Variants in GPALPP1 observed in about 807,000 individuals in gnomAD.
GPALPP1 encodes GPALPP motifs-containing protein 1.
A neutral mutation model predicts 38.9 loss-of-function variants in GPALPP1; 30 were observed. That is an observed-to-expected ratio of 0.77 (90% CI 0.58 to 1.05). The LOEUF (loss-of-function observed/expected upper bound fraction) is 1.05, where lower values mean the gene tolerates loss of function less well. Among genes scored for constraint, GPALPP1 ranks in the 50% least tolerant of loss-of-function variants. The pLI is 0.00. For missense variants in GPALPP1, 384 were observed against 408.8 expected (o/e 0.94, Z 0.52); for synonymous variants, 120 against 139.2 (o/e 0.86, Z 0.97).
At chr13:45,035,724 A>G (rs1231688181) in exon 8 of GPALPP1, 1 of 152,204 alleles carries the variant, frequency 6.6e-6, no homozygotes, top group Non-Finnish European at 1.5e-5. Flanking sequence ...TCCTTAAACT[A>G]TTTCTATCAG....
In GPALPP1 at chr13:45,015,076, G is replaced by A. The variant is rs752693280; in HGVS notation, c.533G>A (p.Gly178Glu). Residue 178 changes from glycine to glutamate, a missense_variant, in exon 5 of 8, where the codon GGA becomes GAA. Gly to Glu is a moderately conservative substitution (Grantham distance 98, BLOSUM62 -2). Coordinates refer to ENST00000379151, the MANE Select transcript of GPALPP1 (RefSeq NM_018559.5). ...AQRMKEKLTK[G>E]DDDSSKPIVR... ...AGAATGAAAGAAAAACTGACCAAAG[G>A]AGATGATGTAAGTTTTAAAAACACT... 19 of 1,594,884 alleles carry A rather than the reference G, an allele frequency of 1.2e-5. No individual in the cohort carries two copies. In the Middle Eastern group the frequency reaches 8.3e-4, roughly 70 times the overall value.
chr13:45,010,969 C>T lies in GPALPP1; in HGVS notation c.408+2090C>T, dbSNP rs577581902. 5.9e-5 allele frequency among the ~76,000 whole-genome samples: 9 copies of T among 151,672 alleles called. No individual in the cohort carries two copies. The East Asian group carries it at 7.7e-4, about 13-fold the overall frequency. Reference sequence around the variant, plus strand: ...CTGCACTCCAGCCTGGGTGACAGAGCGAGACCCTGTCTCAAAAAGAAAAAA... The same window carrying T: ...CTGCACTCCAGCCTGGGTGACAGAGTGAGACCCTGTCTCAAAAAGAAAAAA... On this transcript the variant is annotated intron_variant, in intron 4 of 7. Coordinates refer to ENST00000379151, the MANE Select transcript of GPALPP1 (RefSeq NM_018559.5).
intron 7 of GPALPP1, among the ~76,000 whole-genome samples, chr13:45,025,580 C>T (rs1056369226): frequency 2.6e-5 from 4 of 151,328 alleles, no homozygotes; most frequent in African/African-American, 7.3e-5. Context: ...GATCATTTAA[C>T]TCCTCCCTCC....
At chr13:44,999,727 G>A (rs112393117) in intron 1 of GPALPP1, among the ~76,000 whole-genome samples, 46 of 152,198 alleles carry the variant, frequency 3.0e-4, no homozygotes, top group African/African-American at 1.1e-3. Flanking sequence ...CTACAAGCAT[G>A]TGCCACCACG....
At position 45,029,079 on chromosome 13, in the gene GPALPP1, G is replaced by A. The variant is rs1876050319; in HGVS notation, c.*1076G>A. ...CTGTCTCAAAAAAGAAAGAAAAAGA[G>A]AAGAAAAGAAATTACATAAAAGCTG... On this transcript the variant is annotated 3_prime_UTR_variant, in exon 8 of 8. Transcript: ENST00000379151. 3 of 152,074 alleles carry A rather than the reference G, an allele frequency of 2.0e-5. No homozygotes were observed. In the South Asian group the frequency reaches 6.2e-4, roughly 32 times the overall value. The allele number at this position is 152,074 out of a possible 1,614,324, so 9.4% of individuals were successfully genotyped here. A position where few individuals can be genotyped will look rare whatever the true frequency, so the allele number is the denominator to read the frequency against.
At chr13:45,025,766 A>T (rs1875785932) in intron 7 of GPALPP1, among the ~76,000 whole-genome samples, 1 of 150,716 alleles carries the variant, frequency 6.6e-6, no homozygotes, top group Non-Finnish European at 1.5e-5. Context: ...CCGTGTATTG[A>T]TTATCTATTT....
intron 7 of GPALPP1, among the ~76,000 whole-genome samples, chr13:45,020,725 T>A (rs1875366961): frequency 6.6e-6 from 1 of 152,160 alleles, no homozygotes; most frequent in Non-Finnish European, 1.5e-5. Context: ...TTTTTCTCTT[T>A]TACTTATTTC....
rs1354294166 is a variant in GPALPP1 at position 44,996,537 on chromosome 13, G to T, written c.88+6795G>T. On this transcript the variant is annotated intron_variant, in intron 1 of 7. Coordinates refer to ENST00000379151, the MANE Select transcript of GPALPP1 (RefSeq NM_018559.5). ...ATCTCACTGTCATCCTGGCTGGAGT[G>T]CAGTGGCATGATCTCAGCTTACTGC... 4.6e-5 allele frequency among the ~76,000 whole-genome samples: 7 copies of T among 151,428 alleles called. No homozygotes were observed. The East Asian group carries it at 1.4e-3, about 30-fold the overall frequency.
chr13:45,020,494 G>A, intron 7 of GPALPP1, 66 bp downstream of exon 7: 1 of 732,282 alleles, frequency 1.4e-6, no homozygotes, highest in Non-Finnish European at 2.5e-6. Flanking sequence ...CCAGCTACTT[G>A]GGAGGCTGAG....
intron 7 of GPALPP1, among the ~76,000 whole-genome samples, chr13:45,026,177 T>C (rs1875821568): frequency 6.6e-6 from 1 of 152,244 alleles, no homozygotes; most frequent in African/African-American, 2.4e-5. Flanking sequence ...ATCAGTTTGT[T>C]TCTAAAGACT....
At chr13:45,005,022 C>T (rs1201193361) in intron 2 of GPALPP1, 1 of 149,576 alleles carries the variant, frequency 6.7e-6, no homozygotes, top group Admixed American at 6.7e-5. Context: ...CTACATAAAC[C>T]ATAGAATTTC....
intron 1 of GPALPP1, among the ~76,000 whole-genome samples, chr13:45,001,135 C>T (rs982170887): frequency 6.6e-6 from 1 of 152,088 alleles, no homozygotes; most frequent in Non-Finnish European, 1.5e-5. Flanking sequence ...GGTGGTTACC[C>T]TCATGCTGTT....
intron 6 of GPALPP1, among the ~76,000 whole-genome samples, chr13:45,017,904 A>G (rs1874986304): frequency 6.6e-6 from 1 of 152,212 alleles, no homozygotes; most frequent in East Asian, 1.9e-4. Flanking sequence ...GTCACAAACT[A>G]TATAGTATCA....
intron 1 of GPALPP1, among the ~76,000 whole-genome samples, chr13:44,991,074 C>T (rs912415171): frequency 5.4e-5 from 8 of 147,864 alleles, no homozygotes; most frequent in Non-Finnish European, 1.0e-4. Context: ...GGCGACGGAA[C>T]GAGAGTTTGT....
rs1386280956 is a variant in GPALPP1, at chr13:44,989,687, G to A, written c.33G>A (p.Pro11=). The change falls in exon 1 of 8, where the codon CCG becomes CCA. Residue 11 remains proline, a synonymous_variant. Transcript: ENST00000379151. ...GAGACCTGATCGGACCGGCCCTGCC[G>A]CCCGGCTTCAAGGCCCGCGGAACAG... MARDLIGPAL[P]PGFKARGTAE... The A allele has an allele frequency of 1.9e-6, 3 of 1,612,274 alleles. No individual in the cohort carries two copies. The Admixed American group carries it at 5.0e-5, about 27-fold the overall frequency.
chr13:45,032,962 A>G (rs182623893), downstream of GPALPP1, among the ~76,000 whole-genome samples: 629 of 151,298 alleles, frequency 4.2e-3, 6 homozygotes, highest in African/African-American at 0.015. Context: ...GCTTGAACCC[A>G]GGAGGCGGAG....
At chr13:45,017,153 TTTGGTTTCAGG>T (rs1874935723) in intron 6 of GPALPP1, among the ~76,000 whole-genome samples, 1 of 152,216 alleles carries the variant, frequency 6.6e-6, no homozygotes. Context: ...AGGAATTGTA[TTTGGTTTCAGG>T]TGATAGAAAG....
In GPALPP1 at chr13:44,991,691, T is replaced by C. The variant is rs117160704; in HGVS notation, c.88+1949T>C. Among the ~76,000 whole-genome samples the C allele has an allele frequency of 6.3e-3, 962 of 152,334 alleles. 5 individuals are homozygous for C. Among genetic ancestry groups the C allele is most frequent in the Non-Finnish European group, 0.01 (689 of 68,024 alleles). On this transcript the variant is annotated intron_variant, in intron 1 of 7. Coordinates refer to ENST00000379151, the MANE Select transcript of GPALPP1 (RefSeq NM_018559.5). ...CAGTACCAATGGCCTTCACATCCAC[T>C]ATATCACACCATAGAAGCTGCACTT...
chr13:45,002,556 T>A (rs1384081155), intron 1 of GPALPP1: 1 of 152,220 alleles, frequency 6.6e-6, no homozygotes, highest in African/African-American at 2.4e-5. Context: ...CTTTGTTAGG[T>A]GTTTTGCATA....
Sources: gnomAD v4.1 joint callset for allele counts (sites outside exome capture counted in the v4.1 genomes callset) on GRCh38, gnomAD v4.1.1 for gene constraint, MANE v1.5 for transcripts, NCBI Gene and HGNC (gene_info 2026-07-23, HGNC 2026-07-21) for gene names.